HOMER1: variants seen among roughly 807,000 people sequenced by gnomAD.
The protein encoded by HOMER1 is homer protein homolog 1.
Under a neutral mutation model 48.9 loss-of-function variants are expected in HOMER1, and 3 were observed. The observed-to-expected ratio is 0.06, with a 90% confidence interval of 0.03 to 0.16. The LOEUF is 0.16. Ranked by LOEUF, HOMER1 falls within the 10% of genes least tolerant of loss-of-function variation. The pLI is 1.00. For missense variants in HOMER1, 247 were observed against 411.4 expected, an observed-to-expected ratio of 0.60 and a Z score of 3.46; for synonymous variants, 134 against 146.4, an observed-to-expected ratio of 0.92 and a Z score of 0.61.
chr5:79,386,978 T>G (rs1475988682), intron 8 of HOMER1, among the ~76,000 whole-genome samples: 2 of 125,406 alleles, frequency 1.6e-5, no homozygotes, highest in Non-Finnish European at 3.3e-5. Context: ...CCTTCTTCCT[T>G]CCCTCCCTCT....
chr5:79,464,323 T>C (rs73122369), intron 1 of HOMER1, among the ~76,000 whole-genome samples: 40,226 of 151,944 alleles, frequency 0.26, 5,422 homozygotes, highest in South Asian at 0.39. Flanking sequence ...TCCCCCTTGA[T>C]TTGAAGTAAA....
chr5:79,468,932 A>C (rs1001815264), intron 1 of HOMER1, among the ~76,000 whole-genome samples: 1 of 152,154 alleles, frequency 6.6e-6, no homozygotes, highest in Non-Finnish European at 1.5e-5. Flanking sequence ...CTATTCATGT[A>C]TTTCTGGGCC....
At chr5:79,432,648 A>C (rs1044144215) in intron 5 of HOMER1, among the ~76,000 whole-genome samples, 1 of 152,080 alleles carries the variant, frequency 6.6e-6, no homozygotes. Context: ...GTCAGTTCTT[A>C]AAAAAAATCA....
chr5:79,505,502 G>A (rs1418607485), intron 1 of HOMER1, among the ~76,000 whole-genome samples: 1 of 152,092 alleles, frequency 6.6e-6, no homozygotes, highest in Non-Finnish European at 1.5e-5. Flanking sequence ...CTCTTGCTTG[G>A]TAATTTTACA....
At chr5:79,376,433 T>G (rs1014422558) in intron 8 of HOMER1, among the ~76,000 whole-genome samples, 2 of 152,152 alleles carry the variant, frequency 1.3e-5, no homozygotes, top group Non-Finnish European at 2.9e-5. Flanking sequence ...GAAAATCTAC[T>G]GACTCATTAC....
Position 79,438,661 on chromosome 5 carries a change from C to A in HOMER1, c.527+349G>T, listed in dbSNP as rs375716397. On this transcript the variant is annotated intron_variant, in intron 5 of 8. Transcript: ENST00000334082. Reference sequence around the variant, plus strand: ...CAAGAACATACACAAAAATAGAAACCAGGTTAATAAAGGAGGCCTTTTAGA... The same window carrying A: ...CAAGAACATACACAAAAATAGAAACAAGGTTAATAAAGGAGGCCTTTTAGA... 1.3e-4 allele frequency among the ~76,000 whole-genome samples: 19 copies of A among 151,828 alleles called. 1 individual carries two copies. The highest frequency in any genetic ancestry group is 5.9e-4 in the Admixed American group (9 of 15,248).
intron 8 of HOMER1, among the ~76,000 whole-genome samples, chr5:79,394,587 A>C (rs1405824720): frequency 6.6e-6 from 1 of 152,172 alleles, no homozygotes; most frequent in Admixed American, 6.5e-5. Context: ...ATTCATTCAT[A>C]CATTTATTGA....
intron 1 of HOMER1, among the ~76,000 whole-genome samples, chr5:79,483,982 G>C (rs1037028814): frequency 1.4e-5 from 2 of 144,412 alleles, no homozygotes. Flanking sequence ...GGAGGCAGAG[G>C]TTGCAATGAG....
intron 1 of HOMER1, among the ~76,000 whole-genome samples, chr5:79,470,914 A>C (rs1260196431): frequency 6.6e-6 from 1 of 152,192 alleles, no homozygotes; most frequent in African/African-American, 2.4e-5. Context: ...ACATGTCTAC[A>C]AAGCCTAAGG....
At chr5:79,491,784 T>A (rs1752285822) in intron 1 of HOMER1, among the ~76,000 whole-genome samples, 1 of 152,226 alleles carries the variant, frequency 6.6e-6, no homozygotes, top group South Asian at 2.1e-4. Flanking sequence ...GAGAAGCTAC[T>A]ATGTGAAATA....
intron 2 of HOMER1, among the ~76,000 whole-genome samples, chr5:79,455,882 C>T (rs1329440434): frequency 6.6e-6 from 1 of 152,142 alleles, no homozygotes; most frequent in Non-Finnish European, 1.5e-5. Flanking sequence ...CCCGTCCCAG[C>T]GCGGTAGCTC....
rs1749041742 is a variant in HOMER1, at chr5:79,383,831, A to G, written c.877-7634T>C. Reference sequence around the variant, plus strand: ...TCTTCTCAGACCACAATGGAATAAAACCAGAAATCAATACCAAGAAAAACT... The same window carrying G: ...TCTTCTCAGACCACAATGGAATAAAGCCAGAAATCAATACCAAGAAAAACT... On this transcript the variant is annotated intron_variant, in intron 8 of 8. Transcript: ENST00000334082. Among the ~76,000 whole-genome samples the G allele has an allele frequency of 3.3e-5, 5 of 152,318 alleles. 1 individual carries two copies. In the South Asian group the frequency reaches 1.0e-3, roughly 32 times the overall value.
chr5:79,407,438 T>C (rs561618058), intron 5 of HOMER1, among the ~76,000 whole-genome samples: 1 of 152,292 alleles, frequency 6.6e-6, no homozygotes, highest in East Asian at 1.9e-4. Flanking sequence ...TTAAAGGTGT[T>C]AGTGGAAAGA....
intron 1 of HOMER1, among the ~76,000 whole-genome samples, chr5:79,460,834 T>C (rs1751300573): frequency 6.6e-6 from 1 of 152,182 alleles, no homozygotes; most frequent in South Asian, 2.1e-4. Context: ...TGTGCCAAGG[T>C]TGAGAACTCC....
chr5:79,463,785 A>G (rs1453376210), intron 1 of HOMER1, among the ~76,000 whole-genome samples: 7 of 152,208 alleles, frequency 4.6e-5, no homozygotes, highest in African/African-American at 1.7e-4. Flanking sequence ...CAACAGAGCA[A>G]TTTATAAGAA....
intron 8 of HOMER1, among the ~76,000 whole-genome samples, chr5:79,377,685 G>C (rs1580408280): frequency 6.6e-6 from 1 of 152,050 alleles, no homozygotes; most frequent in Non-Finnish European, 1.5e-5. Context: ...AAAAAAATTA[G>C]ATCACTGAAA....
chr5:79,457,407 T>C (rs1410664161), intron 1 of HOMER1, among the ~76,000 whole-genome samples: 2 of 152,208 alleles, frequency 1.3e-5, no homozygotes, highest in Non-Finnish European at 2.9e-5. Context: ...TCAGTTCTCA[T>C]ACTACATTTA....
chr5:79,427,729 CCCTT>C (rs1163914108), intron 5 of HOMER1, among the ~76,000 whole-genome samples: 3 of 119,022 alleles, frequency 2.5e-5, no homozygotes, highest in African/African-American at 3.8e-5. Context: ...TTCCTTCCTT[CCCTT>C]CCTTCCTTTC....
chr5:79,430,912 ACT>A (rs909024985), intron 5 of HOMER1, among the ~76,000 whole-genome samples: 18 of 152,108 alleles, frequency 1.2e-4, no homozygotes, highest in African/African-American at 4.1e-4. Flanking sequence ...ACAGAGCAAG[ACT>A]CTGTCTCAAA....
Sources: gnomAD v4.1 joint callset for allele counts (sites outside exome capture counted in the v4.1 genomes callset) on GRCh38, gnomAD v4.1.1 for gene constraint, MANE v1.5 for transcripts, NCBI Gene and HGNC (gene_info 2026-07-23, HGNC 2026-07-21) for gene names.